Variants in R3HCC1L observed in about 807,000 individuals in gnomAD.
R3HCC1L encodes coiled-coil domain-containing protein R3HCC1L.
Under a neutral mutation model 59.9 loss-of-function variants are expected in R3HCC1L, and 51 were observed. That is an observed-to-expected ratio of 0.85 (90% CI 0.68 to 1.07). R3HCC1L has a LOEUF of 1.07. Among genes scored for constraint, R3HCC1L ranks in the 50% least tolerant of loss-of-function variants. R3HCC1L has a pLI of 0.00. For missense variants in R3HCC1L, 965 were observed against 933.0 expected, an observed-to-expected ratio of 1.03 and a Z score of -0.45; for synonymous variants, 322 against 315.2, an observed-to-expected ratio of 1.02 and a Z score of -0.23.
chr10:98,236,400 T>A (rs1050772983), intron 9 of R3HCC1L, among the ~76,000 whole-genome samples: 1 of 152,170 alleles, frequency 6.6e-6, no homozygotes, highest in East Asian at 1.9e-4. Context: ...TTCCAAGAGA[T>A]AGGTTTGGTC....
intron 4 of R3HCC1L, among the ~76,000 whole-genome samples, chr10:98,178,972 A>G (rs1301367492): frequency 2.0e-5 from 3 of 152,122 alleles, no homozygotes; most frequent in Admixed American, 1.3e-4. Flanking sequence ...GGCTGAGTTG[A>G]TGGGGTTTTC....
chr10:98,239,522 A>G (rs529555345), intron 9 of R3HCC1L, among the ~76,000 whole-genome samples: 16 of 152,188 alleles, frequency 1.1e-4, no homozygotes, highest in Non-Finnish European at 2.2e-4. Flanking sequence ...GACCAAATAC[A>G]TGGATGACAT....
At chr10:98,185,309 T>C (rs1195978210) in intron 4 of R3HCC1L, among the ~76,000 whole-genome samples, 1 of 152,196 alleles carries the variant, frequency 6.6e-6, no homozygotes, top group East Asian at 1.9e-4. Flanking sequence ...GTACCCTTAA[T>C]AATACTTTCT....
intron 2 of R3HCC1L, among the ~76,000 whole-genome samples, chr10:98,160,386 A>T (rs932859986): frequency 2.0e-5 from 3 of 152,242 alleles, no homozygotes; most frequent in Non-Finnish European, 4.4e-5. Context: ...TGATATTTTA[A>T]TAATAGTTTA....
chr10:98,165,654 A>G (rs1461288052), intron 4 of R3HCC1L, among the ~76,000 whole-genome samples: 1 of 152,254 alleles, frequency 6.6e-6, no homozygotes, highest in Non-Finnish European at 1.5e-5. Flanking sequence ...GTTATGGTTC[A>G]GTTCTTTCTT....
At chr10:98,236,644 GAC>G (rs2135710796) in intron 9 of R3HCC1L, among the ~76,000 whole-genome samples, 2 of 152,324 alleles carry the variant, frequency 1.3e-5, no homozygotes, top group East Asian at 3.9e-4. Flanking sequence ...GTCTTTTTAA[GAC>G]AGTCCTGAGT....
intron 5 of R3HCC1L, among the ~76,000 whole-genome samples, chr10:98,220,840 C>T (rs1413466576): frequency 2.0e-5 from 3 of 148,108 alleles, no homozygotes; most frequent in South Asian, 2.2e-4. Context: ...AATAAACATA[C>T]GTGTGCATGT....
intron 5 of R3HCC1L, among the ~76,000 whole-genome samples, chr10:98,228,589 T>C (rs1331120766): frequency 6.6e-6 from 1 of 152,208 alleles, no homozygotes; most frequent in Non-Finnish European, 1.5e-5. Context: ...TTAGTTTAAT[T>C]AGATCTCATT....
chr10:98,153,624 A>C (rs1846509234), intron 1 of R3HCC1L, among the ~76,000 whole-genome samples: 1 of 151,350 alleles, frequency 6.6e-6, no homozygotes, highest in Non-Finnish European at 1.5e-5. Flanking sequence ...AAAAAAAAAA[A>C]AAAAAAAGAA....
At chr10:98,186,996 G>A (rs757046204) in intron 4 of R3HCC1L, among the ~76,000 whole-genome samples, 2 of 152,038 alleles carry the variant, frequency 1.3e-5, no homozygotes, top group Admixed American at 6.6e-5. Context: ...CTGTAAAATG[G>A]TGATAATAAT....
chr10:98,206,156 A>G (rs1257296734), intron 4 of R3HCC1L, among the ~76,000 whole-genome samples: 1 of 152,086 alleles, frequency 6.6e-6, no homozygotes, highest in Non-Finnish European at 1.5e-5. Flanking sequence ...TTTTAGCTCT[A>G]CATTGTATGA....
In R3HCC1L at chr10:98,222,968, A is replaced by G. The variant is rs1444060257; in HGVS notation, c.1786-8544A>G. Among the ~76,000 whole-genome samples, 3 of 152,016 alleles carry G rather than the reference A, an allele frequency of 2.0e-5. No individual in the cohort carries two copies. The South Asian group carries it at 6.2e-4, about 32-fold the overall frequency. ...AATGGATAAATTCCTCGACACATACACTCTCCCAAGACTAAACCAGGAAGA... is the reference window on the plus strand; with the variant it reads ...AATGGATAAATTCCTCGACACATACGCTCTCCCAAGACTAAACCAGGAAGA... On this transcript the variant is annotated intron_variant, in intron 5 of 9. Transcript: ENST00000298999.
intron 6 of R3HCC1L, among the ~76,000 whole-genome samples, chr10:98,232,987 C>T (rs772950018): frequency 2.6e-5 from 4 of 152,126 alleles, no homozygotes; most frequent in South Asian, 2.1e-4. Context: ...TCCTGGATGA[C>T]AGTTAATCTC....
chr10:98,194,780 C>T (rs558985550), intron 4 of R3HCC1L, among the ~76,000 whole-genome samples: 3 of 143,270 alleles, frequency 2.1e-5, no homozygotes, highest in African/African-American at 7.6e-5. Context: ...TTATCTCACA[C>T]CTAAGATGGC....
At chr10:98,235,319 T>A in intron 7 of R3HCC1L, 106 bp from the exon 8 acceptor site, 1 of 953,430 alleles carries the variant, frequency 1.0e-6, no homozygotes, top group Non-Finnish European at 1.6e-6. Context: ...TTTTGCTTGC[T>A]TTGAAAAAAA....
At chr10:98,199,787 A>G (rs1851841313) in intron 4 of R3HCC1L, among the ~76,000 whole-genome samples, 1 of 152,046 alleles carries the variant, frequency 6.6e-6, no homozygotes, top group South Asian at 2.1e-4. Flanking sequence ...TACTATATGT[A>G]TATCATTTTT....
intron 2 of R3HCC1L, among the ~76,000 whole-genome samples, chr10:98,159,660 A>G (rs1175084082): frequency 6.6e-6 from 1 of 152,154 alleles, no homozygotes. Flanking sequence ...ACACTTATTT[A>G]TAATAGTACT....
At chr10:98,203,130 G>A (rs1286432586) in intron 4 of R3HCC1L, among the ~76,000 whole-genome samples, 3 of 152,098 alleles carry the variant, frequency 2.0e-5, no homozygotes, top group African/African-American at 7.2e-5. Context: ...CTGTATTATG[G>A]CTGCATAAGA....
At position 98,190,113 on chromosome 10, in the gene R3HCC1L, G is replaced by A. The variant is rs549855026; in HGVS notation, c.-14-17988G>A. Among the ~76,000 whole-genome samples, 4 of 152,220 alleles carry A rather than the reference G, an allele frequency of 2.6e-5. No homozygotes were observed. In the South Asian group the frequency reaches 8.3e-4, roughly 32 times the overall value. On this transcript the variant is annotated intron_variant, in intron 4 of 9. Transcript: ENST00000298999. ...TACTTATACCTAATACAATATAAAT[G>A]CTAGGTAAATATTTGTTAGACTTCA...
Sources: gnomAD v4.1 joint callset for allele counts (sites outside exome capture counted in the v4.1 genomes callset) on GRCh38, gnomAD v4.1.1 for gene constraint, MANE v1.5 for transcripts, NCBI Gene and HGNC (gene_info 2026-07-23, HGNC 2026-07-21) for gene names.